PLEKHA6: variants seen among roughly 807,000 people sequenced by gnomAD.
The protein encoded by PLEKHA6 is pleckstrin homology domain containing A6, also known as pleckstrin homology domain-containing family A member 6.
In PLEKHA6, 60 loss-of-function variants were observed where a neutral mutation model predicts 116.7. The observed-to-expected ratio is 0.51, with a 90% CI of 0.42 to 0.64. The LOEUF (loss-of-function observed/expected upper bound fraction) is 0.64, where lower values mean the gene tolerates loss of function less well. Among genes scored for constraint, PLEKHA6 ranks in the 30% least tolerant of loss-of-function variants. PLEKHA6 has a pLI of 0.00. For synonymous variants in PLEKHA6, 489 were observed against 556.1 expected (o/e 0.88, Z 1.70); for missense variants, 1,338 against 1,422.7 (o/e 0.94, Z 0.96).
At chr1:204,264,032 G>T (rs1363509196) in intron 6 of PLEKHA6, among the ~76,000 whole-genome samples, 1 of 152,094 alleles carries the variant, frequency 6.6e-6, no homozygotes, top group Non-Finnish European at 1.5e-5. Context: ...TTCTTCTAAG[G>T]CTCTAGAAGC....
intron 1 of PLEKHA6, among the ~76,000 whole-genome samples, chr1:204,342,634 C>A (rs1241692374): frequency 6.6e-6 from 1 of 152,178 alleles, no homozygotes; most frequent in African/African-American, 2.4e-5. Flanking sequence ...GATACAGATG[C>A]TAGTGGACCA....
chr1:204,249,375 TCCTGCTGAGGAAC>T, intron 10 of PLEKHA6, 111 bp from the exon 11 acceptor site: 1 of 777,174 alleles, frequency 1.3e-6, no homozygotes, highest in South Asian at 1.6e-5. Flanking sequence ...CCCTCCTTTC[TCCTGCTGAGGAAC>T]CCTGGGCCTT....
At chr1:204,256,203 A>ATTC (rs1468595872) in intron 9 of PLEKHA6, among the ~76,000 whole-genome samples, 1 of 151,994 alleles carries the variant, frequency 6.6e-6, no homozygotes, top group African/African-American at 2.4e-5. Context: ...CTGGAAAAGG[A>ATTC]TTCTGCCTGT....
chr1:204,268,619 A>G (rs1365012160), intron 3 of PLEKHA6, among the ~76,000 whole-genome samples: 3 of 148,290 alleles, frequency 2.0e-5, no homozygotes, highest in Non-Finnish European at 4.4e-5. Context: ...AAGATTTCCA[A>G]TTTCACTCTG....
At chr1:204,346,357 C>T (rs1252706337) in intron 1 of PLEKHA6, among the ~76,000 whole-genome samples, 2 of 152,176 alleles carry the variant, frequency 1.3e-5, no homozygotes, top group Non-Finnish European at 2.9e-5. Flanking sequence ...CTCTCACCCC[C>T]CTAGAGGAGG....
intron 15 of PLEKHA6, chr1:204,243,298 C>T (rs1571836590): frequency 5.0e-6 from 2 of 399,734 alleles, no homozygotes; most frequent in African/African-American, 2.1e-5. Context: ...TTAGGAGGAA[C>T]AAGAGCAGCC....
chr1:204,305,801 C>T (rs1394800406), intron 1 of PLEKHA6, among the ~76,000 whole-genome samples: 1 of 152,048 alleles, frequency 6.6e-6, no homozygotes, highest in East Asian at 1.9e-4. Context: ...GACTGTACAA[C>T]CTATTAATTG....
intron 12 of PLEKHA6, 52 bp downstream of exon 12, chr1:204,248,769 T>G (rs1664130585): frequency 3.2e-6 from 5 of 1,566,918 alleles, no homozygotes; most frequent in Non-Finnish European, 3.5e-6. Context: ...GTGGTGGCCC[T>G]GCTGCCTAGT....
chr1:204,362,650 A>T (rs1258095116), upstream of PLEKHA6, among the ~76,000 whole-genome samples: 1 of 152,136 alleles, frequency 6.6e-6, no homozygotes, highest in Non-Finnish European at 1.5e-5. Context: ...GGGCTTTAGC[A>T]ATCCTCCCTC....
chr1:204,317,186 G>A, intron 1 of PLEKHA6: 1 of 914,046 alleles, frequency 1.1e-6, no homozygotes, highest in Non-Finnish European at 1.3e-6. Flanking sequence ...AAACCAAAGA[G>A]TTAAGCATAG....
chr1:204,253,194 C>T (rs1451225294), intron 9 of PLEKHA6, among the ~76,000 whole-genome samples: 1 of 152,184 alleles, frequency 6.6e-6, no homozygotes, highest in Non-Finnish European at 1.5e-5. Context: ...TGACAAAGAG[C>T]TCACATATGC....
At chr1:204,373,086 C>CT (rs973883787) in intron 1 of PLEKHA6, among the ~76,000 whole-genome samples, 17,513 of 113,342 alleles carry the variant, frequency 0.15, 1,718 homozygotes, top group African/African-American at 0.25. Context: ...TTTTTTCTTT[C>CT]TTTTTTTTTT....
intron 6 of PLEKHA6, among the ~76,000 whole-genome samples, chr1:204,262,533 C>T (rs1473103719): frequency 6.6e-6 from 1 of 152,148 alleles, no homozygotes; most frequent in African/African-American, 2.4e-5. Context: ...GATTCAGAGT[C>T]TCGGATGTGA....
intron 6 of PLEKHA6, among the ~76,000 whole-genome samples, chr1:204,263,681 C>T (rs1388662248): frequency 2.0e-5 from 3 of 151,990 alleles, no homozygotes; most frequent in Non-Finnish European, 2.9e-5. Flanking sequence ...CGAGCTGGAA[C>T]GTGTCTGTGT....
At chr1:204,343,037 C>G (rs1215501258) in intron 1 of PLEKHA6, among the ~76,000 whole-genome samples, 3 of 152,136 alleles carry the variant, frequency 2.0e-5, no homozygotes, top group African/African-American at 7.2e-5. Flanking sequence ...TCCCCTTGAC[C>G]CTGACCTTCC....
intron 1 of PLEKHA6, among the ~76,000 whole-genome samples, chr1:204,323,817 T>C (rs1672148854): frequency 6.6e-6 from 1 of 152,214 alleles, no homozygotes; most frequent in African/African-American, 2.4e-5. Context: ...CAACAGCCTT[T>C]TGAGATGGTT....
At chr1:204,374,647 C>T (rs111803190) in intron 1 of PLEKHA6, among the ~76,000 whole-genome samples, 82 of 152,236 alleles carry the variant, frequency 5.4e-4, no homozygotes, top group African/African-American at 1.9e-3. Flanking sequence ...AGCATCCCAG[C>T]CTTGCATCTT....
chr1:204,289,306 T>C (rs759217659), intron 1 of PLEKHA6, among the ~76,000 whole-genome samples: 4 of 152,134 alleles, frequency 2.6e-5, no homozygotes, highest in Non-Finnish European at 5.9e-5. Context: ...AGAATACAAG[T>C]TCCCTCTCCC....
chr1:204,227,946 G>A (rs1405667887), intron 21 of PLEKHA6, 137 bp downstream of exon 21: 4 of 898,728 alleles, frequency 4.5e-6, no homozygotes, highest in Admixed American at 5.5e-5. Context: ...ACAGATGCTC[G>A]TCTCAACCTC....
Sources: gnomAD v4.1 joint callset for allele counts (sites outside exome capture counted in the v4.1 genomes callset) on GRCh38, gnomAD v4.1.1 for gene constraint, MANE v1.5 for transcripts, NCBI Gene and HGNC (gene_info 2026-07-23, HGNC 2026-07-21) for gene names.